The following TAFA4 variants were observed in gnomAD, a reference collection of about 807,000 sequenced individuals.
TAFA4 encodes the protein TAFA chemokine like family member 4.
TAFA4 carries 20 observed loss-of-function variants against 21.1 expected under a neutral mutation model. The ratio of observed to expected loss-of-function variants is 0.95; its 90% confidence interval spans 0.67 to 1.38. The LOEUF (loss-of-function observed/expected upper bound fraction) is 1.38, where lower values mean the gene tolerates loss of function less well. Among genes scored for constraint, TAFA4 ranks in the 40% most tolerant of loss-of-function variants. The pLI is 0.00. For missense variants in TAFA4, 211 were observed against 180.9 expected (o/e 1.17, Z -0.95); for synonymous variants, 71 against 67.4 (o/e 1.05, Z -0.26).
intron 4 of TAFA4, among the ~76,000 whole-genome samples, chr3:68,742,005 C>T (rs72933925): frequency 0.017 from 2,515 of 152,204 alleles, 78 homozygotes; most frequent in African/African-American, 0.057. Context: ...AATTGAACAT[C>T]ACATTAAGAG....
chr3:68,898,431 T>C (rs2089813104), intron 1 of TAFA4, among the ~76,000 whole-genome samples: 1 of 152,310 alleles, frequency 6.6e-6, no homozygotes, highest in African/African-American at 2.4e-5. Context: ...GGTGGGCGGA[T>C]CACCTGAGGT....
chr3:68,887,362 C>A (rs1575658690), intron 1 of TAFA4, among the ~76,000 whole-genome samples: 1 of 152,128 alleles, frequency 6.6e-6, no homozygotes, highest in Admixed American at 6.5e-5. Flanking sequence ...CTTTGCTGGA[C>A]CCGATCCACT....
intron 1 of TAFA4, among the ~76,000 whole-genome samples, chr3:68,907,496 A>G (rs950814451): frequency 1.3e-5 from 2 of 152,242 alleles, no homozygotes; most frequent in Non-Finnish European, 2.9e-5. Flanking sequence ...GAGAACAACA[A>G]GACGACATAG....
At chr3:68,734,782 C>A (rs1307912936) in intron 5 of TAFA4, among the ~76,000 whole-genome samples, 3 of 152,026 alleles carry the variant, frequency 2.0e-5, no homozygotes, top group African/African-American at 2.4e-5. Context: ...ATGACACAGC[C>A]CAGTGGTTGA....
intron 3 of TAFA4, among the ~76,000 whole-genome samples, chr3:68,768,064 CA>C (rs1211920054): frequency 6.6e-6 from 1 of 151,930 alleles, no homozygotes; most frequent in African/African-American, 2.4e-5. Flanking sequence ...TTAAAACCTC[CA>C]AAATATAAGA....
At position 68,755,842 on chromosome 3, in the gene TAFA4, C is replaced by T. The variant is rs546822791; in HGVS notation, c.131-2824G>A. On this transcript the variant is annotated intron_variant, in intron 3 of 5. Transcript: ENST00000295569. ...AGTTGGTCTGTGTGACAACAGCATA[C>T]CACAGCAGAAGTGATGGTTTGCCAT... Among the ~76,000 whole-genome samples the T allele has an allele frequency of 2.0e-5, 3 of 152,320 alleles. No homozygotes were observed. In the South Asian group the frequency reaches 6.2e-4, roughly 32 times the overall value.
chr3:68,850,679 A>C (rs1440009452), intron 3 of TAFA4, among the ~76,000 whole-genome samples: 1 of 152,020 alleles, frequency 6.6e-6, no homozygotes, highest in African/African-American at 2.4e-5. Context: ...GTTAGCTGCA[A>C]GAATGCTTTC....
At chr3:68,786,385 G>A (rs533146781) in intron 3 of TAFA4, among the ~76,000 whole-genome samples, 176 of 152,296 alleles carry the variant, frequency 1.2e-3, no homozygotes, top group African/African-American at 4.0e-3. Context: ...AGGATCAGGT[G>A]AGCCCAAGAG....
intron 3 of TAFA4, among the ~76,000 whole-genome samples, chr3:68,854,475 T>C (rs1003329540): frequency 3.3e-5 from 5 of 152,118 alleles, no homozygotes; most frequent in African/African-American, 1.2e-4. Context: ...TTTTCACTAA[T>C]GGTCAAAAGG....
chr3:68,773,679 T>C (rs186502991), intron 3 of TAFA4, among the ~76,000 whole-genome samples: 2 of 152,080 alleles, frequency 1.3e-5, no homozygotes, highest in African/African-American at 2.4e-5. Context: ...TTCCAAGGGT[T>C]TTCAAAGCTG....
rs556820357 is a variant in TAFA4, at chr3:68,751,571, G to A, written c.286+1292C>T. On this transcript the variant is annotated intron_variant, in intron 4 of 5. Coordinates refer to ENST00000295569, the MANE Select transcript of TAFA4 (RefSeq NM_182522.5). ...TTCTTTTAAATGCCATTTTTTAAAT[G>A]TTAAAGATCTTCATCTTTTTTTAAT... Among the ~76,000 whole-genome samples, 5 of 152,194 alleles carry A rather than the reference G, an allele frequency of 3.3e-5. No individual in the cohort carries two copies. In the East Asian group the frequency reaches 9.6e-4, roughly 29 times the overall value.
At chr3:68,794,085 A>G (rs534828647) in intron 3 of TAFA4, among the ~76,000 whole-genome samples, 23 of 152,326 alleles carry the variant, frequency 1.5e-4, no homozygotes, top group Admixed American at 3.3e-4. Flanking sequence ...TCTTTAGAAT[A>G]AAAGGATATT....
In TAFA4 at chr3:68,757,728, C is replaced by T. The variant is rs1022716278; in HGVS notation, c.131-4710G>A. Among the ~76,000 whole-genome samples, 4 of 152,160 alleles carry T rather than the reference C, an allele frequency of 2.6e-5. No individual in the cohort carries two copies. In the East Asian group the frequency reaches 7.7e-4, roughly 29 times the overall value. Reference sequence around the variant, plus strand: ...CAGAATTTTAATTATTTATACAGCACCAACTCTTGTATTTCACTGATTTTA... The same window carrying T: ...CAGAATTTTAATTATTTATACAGCATCAACTCTTGTATTTCACTGATTTTA... On this transcript the variant is annotated intron_variant, in intron 3 of 5. Coordinates refer to ENST00000295569, the MANE Select transcript of TAFA4 (RefSeq NM_182522.5).
At chr3:68,809,499 T>C (rs1703782442) in intron 3 of TAFA4, among the ~76,000 whole-genome samples, 1 of 149,294 alleles carries the variant, frequency 6.7e-6, no homozygotes, top group African/African-American at 2.5e-5. Flanking sequence ...TAAAATATTA[T>C]TAATGTCTCC....
At chr3:68,810,490 C>T (rs1454215218) in intron 3 of TAFA4, among the ~76,000 whole-genome samples, 2 of 152,174 alleles carry the variant, frequency 1.3e-5, no homozygotes, top group Admixed American at 1.3e-4. Flanking sequence ...TGCACTTTTC[C>T]AACGGTCTTA....
At chr3:68,896,341 A>G (rs527718946) in intron 1 of TAFA4, among the ~76,000 whole-genome samples, 15 of 152,260 alleles carry the variant, frequency 9.9e-5, no homozygotes, top group Non-Finnish European at 1.9e-4. Flanking sequence ...AGGATCGGAA[A>G]CAGGGAGTCT....
chr3:68,844,050 G>C (rs895289530), intron 3 of TAFA4, among the ~76,000 whole-genome samples: 1 of 152,130 alleles, frequency 6.6e-6, no homozygotes, highest in East Asian at 1.9e-4. Flanking sequence ...TTAGGGAGGA[G>C]TCCCTCTTTT....
chr3:68,745,582 A>ATATTCTATAATGCTGTTG (rs1437848695), intron 4 of TAFA4, among the ~76,000 whole-genome samples: 1 of 152,232 alleles, frequency 6.6e-6, no homozygotes, highest in Non-Finnish European at 1.5e-5. Flanking sequence ...AGCAACTGCT[A>ATATTCTATAATGCTGTTG]TATTCTATAA....
At chr3:68,783,993 A>G (rs1229255900) in intron 3 of TAFA4, among the ~76,000 whole-genome samples, 1 of 152,256 alleles carries the variant, frequency 6.6e-6, no homozygotes, top group African/African-American at 2.4e-5. Flanking sequence ...ATGTGCAACA[A>G]GACAGATGCA....
Sources: allele counts gnomAD v4.1 joint callset (sites outside exome capture counted in the v4.1 genomes callset), GRCh38; gene constraint gnomAD v4.1.1; transcripts MANE v1.5; gene names NCBI Gene and HGNC (gene_info 2026-07-23, HGNC 2026-07-21).